Variants in VAC14 observed in about 807,000 individuals in gnomAD.
VAC14 encodes the protein protein VAC14 homolog.
A neutral mutation model predicts 85.3 loss-of-function variants in VAC14; 47 were observed. The ratio of observed to expected loss-of-function variants is 0.55; its 90% CI spans 0.44 to 0.70. The LOEUF (loss-of-function observed/expected upper bound fraction) is 0.70, where lower values mean the gene tolerates loss of function less well. Among genes scored for constraint, VAC14 ranks in the 30% least tolerant of loss-of-function variants. The pLI is 0.00. For missense variants in VAC14, 861 were observed against 1,004.3 expected, an observed-to-expected ratio of 0.86 and a Z score of 1.93; for synonymous variants, 447 against 430.5, an observed-to-expected ratio of 1.04 and a Z score of -0.47.
intron 18 of VAC14, among the ~76,000 whole-genome samples, chr16:70,692,354 C>T (rs2142984835): frequency 6.6e-6 from 1 of 152,096 alleles, no homozygotes; most frequent in South Asian, 2.1e-4. Flanking sequence ...CTCCCAGTGA[C>T]CCAGGGTTGA....
chr16:70,704,991 G>A (rs2053895105), intron 14 of VAC14, among the ~76,000 whole-genome samples: 2 of 152,240 alleles, frequency 1.3e-5, no homozygotes, highest in African/African-American at 4.8e-5. Flanking sequence ...ACCAAGGCCA[G>A]AAACACTTCC....
rs373530565 is a variant in VAC14 at position 70,724,532 on chromosome 16, T to C, written c.1661+6963A>G. Among the ~76,000 whole-genome samples, 7 of 152,332 alleles carry C rather than the reference T, an allele frequency of 4.6e-5. No individual in the cohort carries two copies. The South Asian group carries it at 1.5e-3, about 32-fold the overall frequency. On this transcript the variant is annotated intron_variant, in intron 14 of 18. Coordinates refer to ENST00000261776, the MANE Select transcript of VAC14 (RefSeq NM_018052.5). Reference sequence around the variant, plus strand: ...CTCTTTTTCTCCCAACAGTCTTTTCTGTGTGTCAGACTGGGCCTCTTGGGC... The same window carrying C: ...CTCTTTTTCTCCCAACAGTCTTTTCCGTGTGTCAGACTGGGCCTCTTGGGC...
chr16:70,753,313 T>C (rs992287957), intron 12 of VAC14, among the ~76,000 whole-genome samples: 3 of 152,338 alleles, frequency 2.0e-5, no homozygotes, highest in Admixed American at 2.0e-4. Flanking sequence ...TGGGCTCACC[T>C]GGGCTCACCC....
At chr16:70,740,939 A>G (rs2030228656) in intron 13 of VAC14, among the ~76,000 whole-genome samples, 1 of 152,258 alleles carries the variant, frequency 6.6e-6, no homozygotes, top group South Asian at 2.1e-4. Context: ...GCATTAGGCC[A>G]ACACGGCAGC....
intron 5 of VAC14, 130 bp downstream of exon 5, chr16:70,783,983 T>C: frequency 1.4e-6 from 1 of 724,428 alleles, no homozygotes; most frequent in Non-Finnish European, 2.4e-6. Flanking sequence ...GTTTTTGAAT[T>C]ATCAGGTGTT....
intron 3 of VAC14, 140 bp from the exon 4 acceptor site, chr16:70,784,978 C>T: frequency 1.3e-6 from 1 of 770,546 alleles, no homozygotes; most frequent in Non-Finnish European, 2.3e-6. Context: ...TTTCGGTGAA[C>T]ACATTTGAGA....
chr16:70,761,016 T>TGTGCGTGC (rs1555523207), intron 12 of VAC14: 1 of 300,870 alleles, frequency 3.3e-6, no homozygotes, highest in African/African-American at 4.2e-5. Context: ...TGTGTGTGTG[T>TGTGCGTGC]GTGCATGGGG....
At chr16:70,688,561 A>C (rs2053542233) in intron 18 of VAC14, 2 of 985,712 alleles carry the variant, frequency 2.0e-6, no homozygotes, top group Non-Finnish European at 2.4e-6. Context: ...CGGGCCCTCC[A>C]CTTGGCAGGA....
intron 1 of VAC14, among the ~76,000 whole-genome samples, chr16:70,800,347 T>C (rs1464779414): frequency 2.0e-5 from 3 of 152,066 alleles, no homozygotes; most frequent in African/African-American, 7.2e-5. Context: ...CCGACCTGAT[T>C]TCTCTACTTG....
intron 14 of VAC14, among the ~76,000 whole-genome samples, chr16:70,721,030 A>G (rs1199231687): frequency 1.3e-5 from 2 of 152,252 alleles, no homozygotes; most frequent in Non-Finnish European, 2.9e-5. Context: ...CACTGCGATA[A>G]GCCAGGGGAA....
At chr16:70,772,220 T>G in intron 9 of VAC14, 48 bp from the exon 10 acceptor site, 2 of 1,527,812 alleles carry the variant, frequency 1.3e-6, no homozygotes, top group Non-Finnish European at 1.8e-6. Flanking sequence ...GTTGGCTCTC[T>G]TGAATAAACA....
intron 14 of VAC14, among the ~76,000 whole-genome samples, chr16:70,725,253 G>A (rs1162672069): frequency 1.3e-5 from 2 of 152,268 alleles, no homozygotes; most frequent in African/African-American, 2.4e-5. Context: ...AGATTCGGCA[G>A]CTGCAGGGGA....
At chr16:70,789,206 T>C (rs2034210821) in intron 1 of VAC14, among the ~76,000 whole-genome samples, 3 of 152,198 alleles carry the variant, frequency 2.0e-5, no homozygotes, top group South Asian at 2.1e-4. Context: ...CAGAAGGCGG[T>C]GGGAGGACTC....
chr16:70,693,043 C>T (rs2053630265), intron 17 of VAC14, 72 bp from the exon 18 acceptor site: 5 of 1,532,928 alleles, frequency 3.3e-6, no homozygotes, highest in Admixed American at 4.1e-5. Flanking sequence ...CACTGCCTGC[C>T]TCCGACTGGC....
At position 70,688,192 on chromosome 16, in the gene VAC14, C is replaced by T. The variant is rs887248929; in HGVS notation, c.2187-102G>A. 5.2e-6 allele frequency: 7 copies of T among 1,356,948 alleles called. No individual in the cohort carries two copies. In the African/African-American group the frequency reaches 9.0e-5, roughly 17 times the overall value. The allele number at this position is 1,356,948 out of a possible 1,614,324, so 84.1% of individuals were successfully genotyped here. ...AGAGGCAGAGCCACAGGCTGGTGGG[C>T]TCGGCCTGTGGGCGTCTGTCTCAGG... is the stretch of plus-strand genomic sequence containing the variant. On this transcript the variant is annotated intron_variant, in intron 18 of 18. Coordinates refer to ENST00000261776, the MANE Select transcript of VAC14 (RefSeq NM_018052.5).
At chr16:70,800,677 G>A (rs779821587) in intron 1 of VAC14, 120 bp downstream of exon 1, 11 of 771,772 alleles carry the variant, frequency 1.4e-5, no homozygotes, top group Non-Finnish European at 2.1e-5. Context: ...TAAACACTGC[G>A]CTAAGGTAAG....
At chr16:70,748,577 G>A (rs2031109531) in intron 12 of VAC14, among the ~76,000 whole-genome samples, 1 of 152,236 alleles carries the variant, frequency 6.6e-6, no homozygotes, top group Non-Finnish European at 1.5e-5. Flanking sequence ...CAGCTCCAGA[G>A]TGGGGAATGG....
rs758350195 is a variant in VAC14 at position 70,783,404 on chromosome 16, G to A, written c.704+41C>T. ...ATGAAGCACATGGGCACAGCTGGGG[G>A]TGGCAGGAGGCAGCAGCTTCCTGCC... On this transcript the variant is annotated intron_variant, in intron 6 of 18. Transcript: ENST00000261776. The A allele has an allele frequency of 2.5e-6, 4 of 1,595,254 alleles. No individual in the cohort carries two copies. The African/African-American group carries it at 4.0e-5, about 16-fold the overall frequency.
rs2053524090 is a variant in VAC14 at position 70,687,815 on chromosome 16, T to A, written c.*113A>T. On this transcript the variant is annotated 3_prime_UTR_variant, in exon 19 of 19. Transcript: ENST00000261776. Reference sequence around the variant, plus strand: ...CTCCGGCCCCAACACTGCCCTGGGTTGGCAGGCCCAGCCCTGGTCCTGACA... The same window carrying A: ...CTCCGGCCCCAACACTGCCCTGGGTAGGCAGGCCCAGCCCTGGTCCTGACA... 1 of 1,195,464 alleles carries A rather than the reference T, an allele frequency of 8.4e-7. No homozygotes were observed. The highest frequency in any genetic ancestry group is 1.6e-5 in the African/African-American group (1 of 63,158). The allele number at this position is 1,195,464 out of a possible 1,614,324, so 74.1% of individuals were successfully genotyped here.
Sources: gnomAD v4.1 joint callset for allele counts (sites outside exome capture counted in the v4.1 genomes callset) on GRCh38, gnomAD v4.1.1 for gene constraint, MANE v1.5 for transcripts, NCBI Gene and HGNC (gene_info 2026-07-23, HGNC 2026-07-21) for gene names.